The following ZYG11A variants were observed in gnomAD, a reference collection of about 807,000 sequenced individuals.
The protein encoded by ZYG11A is protein zyg-11 homolog A.
A neutral mutation model predicts 77.2 loss-of-function variants in ZYG11A; 62 were observed. The observed-to-expected ratio is 0.80, with a 90% CI of 0.65 to 0.99. The LOEUF is 0.99. Ranked by LOEUF, ZYG11A falls within the 50% of genes least tolerant of loss-of-function variation. The pLI, the probability that ZYG11A is intolerant of heterozygous loss-of-function variation, is 0.00. For missense variants in ZYG11A, 828 were observed against 896.8 expected (o/e 0.92, Z 0.98); for synonymous variants, 315 against 324.6 (o/e 0.97, Z 0.32).
rs1467096221 is a variant in ZYG11A at position 52,867,964 on chromosome 1, T to TC, written c.1542+187_1542+188insC. 1.3e-3 allele frequency among the ~76,000 whole-genome samples: 175 copies of TC among 135,386 alleles called. 2 individuals are homozygous for TC. The highest frequency in any genetic ancestry group is 4.5e-3 in the African/African-American group (159 of 35,014). 88.8% of individuals were successfully genotyped at this position (135,386 alleles called of 152,430 possible). A position where few individuals can be genotyped will look rare whatever the true frequency, so the allele number is the denominator to read the frequency against. ...GGTATGTACCTCCACATTTCTTTTT[T>TC]TTTTTTTTTTTTTTTTTTTTGAGAC... On this transcript the variant is annotated intron_variant, in intron 8 of 13. Coordinates refer to ENST00000371528, the MANE Select transcript of ZYG11A (RefSeq NM_001004339.3).
Position 52,893,900 on chromosome 1 carries a change from C to G in ZYG11A, c.*943C>G, listed in dbSNP as rs1012581714. On this transcript the variant is annotated 3_prime_UTR_variant, in exon 14 of 14. Transcript: ENST00000371528. The stretch of plus-strand genomic sequence containing the variant: ...AATCTCGGCTCACTGCAACCTCTGC[C>G]TCCCAGGTTCCAGCAATTCTCCTGC... 99 of 149,784 alleles carry G rather than the reference C, an allele frequency of 6.6e-4. 1 individual carries two copies. The highest frequency in any genetic ancestry group is 2.4e-3 in the African/African-American group (98 of 40,484). 9.3% of individuals were successfully genotyped at this position (149,784 alleles called of 1,614,324 possible). A position where few individuals can be genotyped will look rare whatever the true frequency, so the allele number is the denominator to read the frequency against.
At chr1:52,853,633 G>A (rs1338696246) in intron 1 of ZYG11A, among the ~76,000 whole-genome samples, 1 of 152,158 alleles carries the variant, frequency 6.6e-6, no homozygotes, top group Admixed American at 6.5e-5. Flanking sequence ...TATTGGGGCC[G>A]GGTGTGGTGG....
chr1:52,869,725 T>G (rs1336948839), intron 8 of ZYG11A, among the ~76,000 whole-genome samples: 1 of 151,504 alleles, frequency 6.6e-6, no homozygotes, highest in East Asian at 1.9e-4. Context: ...AAAACCGCCA[T>G]TGTCATCATG....
intron 13 of ZYG11A, among the ~76,000 whole-genome samples, chr1:52,890,325 C>T (rs1378585323): frequency 7.5e-6 from 1 of 132,870 alleles, no homozygotes; most frequent in Admixed American, 8.1e-5. Context: ...ATCTCTGCCT[C>T]ATAGGTTCAA....
chr1:52,860,278 G>A (rs1325468408), intron 3 of ZYG11A, among the ~76,000 whole-genome samples: 1 of 152,024 alleles, frequency 6.6e-6, no homozygotes, highest in Non-Finnish European at 1.5e-5. Context: ...GTAGTCCTGG[G>A]CTCAAGCAAC....
At chr1:52,852,349 A>T (rs1645729409) in intron 1 of ZYG11A, among the ~76,000 whole-genome samples, 1 of 148,880 alleles carries the variant, frequency 6.7e-6, no homozygotes, top group South Asian at 2.1e-4. Flanking sequence ...ACCTGGCCCG[A>T]CAGTTAATTT....
chr1:52,884,262 C>T (rs188664886), intron 11 of ZYG11A, among the ~76,000 whole-genome samples: 2,700 of 151,566 alleles, frequency 0.018, 50 homozygotes, highest in Middle Eastern at 0.14. Context: ...TTTGGGAGGC[C>T]GAGGCGGGCA....
At chr1:52,877,579 G>T in intron 8 of ZYG11A, 103 bp from the exon 9 acceptor site, 1 of 934,878 alleles carries the variant, frequency 1.1e-6, no homozygotes, top group African/African-American at 1.7e-5. Context: ...GCAGAACTTG[G>T]GTTTAGAACC....
At chr1:52,892,144 C>G (rs1646554990) in intron 13 of ZYG11A, among the ~76,000 whole-genome samples, 1 of 149,516 alleles carries the variant, frequency 6.7e-6, no homozygotes, top group South Asian at 2.1e-4. Context: ...CATGATCCGC[C>G]CGCCTCGGCC....
In ZYG11A at chr1:52,893,311, A is replaced by G. The variant is rs150969152; in HGVS notation, c.*354A>G. 26 of 185,696 alleles carry G rather than the reference A, an allele frequency of 1.4e-4. No homozygotes were observed. The highest frequency in any genetic ancestry group is 5.6e-4 in the African/African-American group (24 of 42,836). 11.5% of individuals were successfully genotyped at this position (185,696 alleles called of 1,614,324 possible). On this transcript the variant is annotated 3_prime_UTR_variant, in exon 14 of 14. Coordinates refer to ENST00000371528, the MANE Select transcript of ZYG11A (RefSeq NM_001004339.3). ...GTGGGACCTGTTCACTAGAAGAGAA[A>G]GGAAACCTACAGGGAGACTTTGATA...
At chr1:52,877,139 G>A (rs568611766) in intron 8 of ZYG11A, among the ~76,000 whole-genome samples, 2 of 151,950 alleles carry the variant, frequency 1.3e-5, no homozygotes, top group East Asian at 3.9e-4. Flanking sequence ...CCCCAGCCCC[G>A]TTCCTGCATG....
chr1:52,887,614 C>A (rs922964576), intron 13 of ZYG11A, among the ~76,000 whole-genome samples: 2 of 151,732 alleles, frequency 1.3e-5, no homozygotes, highest in African/African-American at 4.8e-5. Flanking sequence ...TGAGGTGTCT[C>A]CCAAAGTGCT....
At chr1:52,852,348 G>A (rs913425759) in intron 1 of ZYG11A, among the ~76,000 whole-genome samples, 4 of 150,250 alleles carry the variant, frequency 2.7e-5, no homozygotes, top group South Asian at 4.2e-4. Context: ...CACCTGGCCC[G>A]ACAGTTAATT....
chr1:52,859,207 G>A (rs763971551), intron 3 of ZYG11A, among the ~76,000 whole-genome samples: 4 of 151,826 alleles, frequency 2.6e-5, no homozygotes, highest in Admixed American at 6.6e-5. Flanking sequence ...CTGCTCTGTC[G>A]CCCAGGCTGG....
rs1429027333 is a variant in ZYG11A at position 52,842,837 on chromosome 1, C to T, written c.-47C>T. On this transcript the variant is annotated 5_prime_UTR_variant, in exon 1 of 14. Transcript: ENST00000371528. ...CTTGGTTCTCGCGGGATCCGGGCTC[C>T]GGCTCGACGCCGGCTCTCTTTTTGA... The T allele has an allele frequency of 1.3e-6, 2 of 1,513,136 alleles. No homozygotes were observed. The highest frequency in any genetic ancestry group is 2.7e-5 in the East Asian group (1 of 37,282). 93.7% of individuals were successfully genotyped at this position (1,513,136 alleles called of 1,614,324 possible). A position where few individuals can be genotyped will look rare whatever the true frequency, so the allele number is the denominator to read the frequency against.
intron 8 of ZYG11A, among the ~76,000 whole-genome samples, chr1:52,869,043 C>T (rs1398516254): frequency 6.6e-6 from 1 of 152,006 alleles, no homozygotes; most frequent in Non-Finnish European, 1.5e-5. Flanking sequence ...CTATGTTGGT[C>T]AGGCTGGTCT....
In ZYG11A at chr1:52,894,292, C is replaced by T. The variant is rs1367514564; in HGVS notation, c.*1335C>T. 1 of 152,116 alleles carries T rather than the reference C, an allele frequency of 6.6e-6. No individual in the cohort carries two copies. Among genetic ancestry groups the T allele is most frequent in the Non-Finnish European group, 1.5e-5 (1 of 68,020 alleles). The allele number at this position is 152,116 out of a possible 1,614,324, so 9.4% of individuals were successfully genotyped here. A position where few individuals can be genotyped will look rare whatever the true frequency, so the allele number is the denominator to read the frequency against. On this transcript the variant is annotated 3_prime_UTR_variant, in exon 14 of 14. Coordinates refer to ENST00000371528, the MANE Select transcript of ZYG11A (RefSeq NM_001004339.3). ...CCATTTTATTTGGGTGGAACCATGA[C>T]CAAAAATGGTAGGAAGACGAAAGGC... is the stretch of plus-strand genomic sequence containing the variant.
intron 12 of ZYG11A, 25 bp from the exon 13 acceptor site, chr1:52,886,931 A>G (rs1646462790): frequency 7.8e-7 from 1 of 1,287,696 alleles, no homozygotes; most frequent in Non-Finnish European, 1.1e-6. Context: ...CTGGATTAAC[A>G]TCTTTGTACT....
chr1:52,861,678 T>C (rs555239014), intron 4 of ZYG11A, among the ~76,000 whole-genome samples: 1 of 150,310 alleles, frequency 6.7e-6, no homozygotes, highest in African/African-American at 2.4e-5. Context: ...CACTCCCTCC[T>C]GGTGACAGAG....
Sources: allele counts gnomAD v4.1 joint callset (sites outside exome capture counted in the v4.1 genomes callset), GRCh38; gene constraint gnomAD v4.1.1; transcripts MANE v1.5; gene names NCBI Gene and HGNC (gene_info 2026-07-23, HGNC 2026-07-21).